TBXAS1: variants seen among roughly 807,000 people sequenced by gnomAD.
The protein encoded by TBXAS1 is thromboxane A synthase 1.
A neutral mutation model predicts 60.7 loss-of-function variants in TBXAS1; 48 were observed. The observed-to-expected ratio is 0.79, with a 90% CI of 0.63 to 1.01. TBXAS1 has a LOEUF of 1.01. Among genes scored for constraint, TBXAS1 ranks in the 50% least tolerant of loss-of-function variants. The pLI, the probability that TBXAS1 is intolerant of heterozygous loss-of-function variation, is 0.00. For missense variants in TBXAS1, 685 were observed against 686.3 expected (o/e 1.00, Z 0.02); for synonymous variants, 287 against 269.7 (o/e 1.06, Z -0.63).
intron 10 of TBXAS1, among the ~76,000 whole-genome samples, chr7:140,008,943 C>T (rs1461171379): frequency 2.6e-5 from 4 of 152,202 alleles, no homozygotes; most frequent in Non-Finnish European, 4.4e-5. Context: ...GACCAGGGCT[C>T]CTGGCCAAGA....
Position 139,816,076 on chromosome 7 carries a change from A to G in TBXAS1, c.-79-13236A>G, listed in dbSNP as rs569270202. Among the ~76,000 whole-genome samples, 16 of 152,258 alleles carry G rather than the reference A, an allele frequency of 1.1e-4. No homozygotes were observed. The South Asian group carries it at 2.7e-3, about 26-fold the overall frequency. On this transcript the variant is annotated intron_variant, in intron 4 of 16. Coordinates refer to the TBXAS1 transcript ENST00000336425. ...CTGTCATGATAGTGAGTGAGTTCTC[A>G]TGAGATCTGATGGTTTTATAAGGGG...
At chr7:139,800,760 A>C (rs1292093256) in intron 4 of TBXAS1, among the ~76,000 whole-genome samples, 1 of 152,098 alleles carries the variant, frequency 6.6e-6, no homozygotes, top group Non-Finnish European at 1.5e-5. Flanking sequence ...TCTCCCTTCT[A>C]TCTGAGAGTG....
At chr7:139,905,982 C>T (rs1302885794) in intron 3 of TBXAS1, 3 of 173,460 alleles carry the variant, frequency 1.7e-5, no homozygotes, top group Non-Finnish European at 2.6e-5. Flanking sequence ...TCACATTCTA[C>T]ATTTAATTCT....
At chr7:139,845,535 A>T (rs563840031) in intron 1 of TBXAS1, among the ~76,000 whole-genome samples, 1 of 151,956 alleles carries the variant, frequency 6.6e-6, no homozygotes, top group South Asian at 2.1e-4. Context: ...CTCATCACTT[A>T]CCTGGCTCCC....
intron 9 of TBXAS1, among the ~76,000 whole-genome samples, 195 bp from the exon 10 acceptor site, chr7:140,006,896 C>T (rs1426485146): frequency 4.6e-5 from 7 of 152,120 alleles, no homozygotes; most frequent in African/African-American, 9.7e-5. Context: ...AGGCTAGCAC[C>T]GTGAAATATA....
rs540390984 is a variant in TBXAS1 at position 139,925,035 on chromosome 7, G to A, written c.334-11156G>A. The stretch of plus-strand genomic sequence containing the variant: ...TCTATGTGTCTGGTTTTATGCTAGA[G>A]CCATGCTATTTTAGTTACTATAGCT... On this transcript the variant is annotated intron_variant, in intron 4 of 12. Coordinates refer to ENST00000448866, the MANE Select transcript of TBXAS1 (RefSeq NM_001061.7). Among the ~76,000 whole-genome samples the A allele has an allele frequency of 9.2e-5, 14 of 152,198 alleles. No homozygotes were observed. In the South Asian group the frequency reaches 2.7e-3, roughly 29 times the overall value.
intron 3 of TBXAS1, among the ~76,000 whole-genome samples, chr7:139,905,335 G>C (rs1314899298): frequency 6.6e-6 from 1 of 152,066 alleles, no homozygotes; most frequent in African/African-American, 2.4e-5. Context: ...GGGGATGCTA[G>C]ATTTTGTTGA....
At chr7:139,957,591 T>C in intron 7 of TBXAS1, 43 bp from the exon 8 acceptor site, 7 of 1,613,530 alleles carry the variant, frequency 4.3e-6, no homozygotes, top group Non-Finnish European at 5.9e-6. Flanking sequence ...CCTGGTTTAT[T>C]ATCACCCCCT....
intron 4 of TBXAS1, among the ~76,000 whole-genome samples, chr7:139,818,460 T>C (rs1798209987): frequency 6.6e-6 from 1 of 152,070 alleles, no homozygotes; most frequent in South Asian, 2.1e-4. Flanking sequence ...ATCCACCTGC[T>C]TTGGCCTCCC....
At chr7:139,841,819 G>C (rs536432319) in intron 1 of TBXAS1, among the ~76,000 whole-genome samples, 2 of 152,212 alleles carry the variant, frequency 1.3e-5, no homozygotes, top group East Asian at 3.9e-4. Context: ...TTTCCTGATA[G>C]GCTAAACCCT....
At chr7:139,912,729 A>G (rs1805631930) in intron 4 of TBXAS1, among the ~76,000 whole-genome samples, 1 of 152,158 alleles carries the variant, frequency 6.6e-6, no homozygotes. Context: ...CTTGGGGCTG[A>G]GTCTTAAAGA....
chr7:139,898,413 C>CCTTT (rs1804278520), intron 3 of TBXAS1, among the ~76,000 whole-genome samples: 1 of 82,222 alleles, frequency 1.2e-5, no homozygotes, highest in African/African-American at 4.9e-5. Flanking sequence ...ACGTGCATGG[C>CCTTT]TTTTTTTTTT....
Position 139,778,994 on chromosome 7 carries a change from A to G in TBXAS1, c.-318+523A>G, listed in dbSNP as rs114376116. On this transcript the variant is annotated intron_variant, in intron 1 of 16. Transcript: ENST00000336425. The surrounding 1 kb of genome is among the most constrained non-coding windows in gnomAD (Gnocchi z 4.8). ...AGGCAACCAGCTTTCAAAAAGAACG[A>G]AATGGAATCCAATAGAAAATATTAG... Among the ~76,000 whole-genome samples, 1,106 of 152,328 alleles carry G rather than the reference A, an allele frequency of 7.3e-3. 14 individuals carry two copies. The highest frequency in any genetic ancestry group is 0.025 in the African/African-American group (1,037 of 41,566).
At chr7:139,870,612 G>T (rs772982200) in intron 1 of TBXAS1, among the ~76,000 whole-genome samples, 1 of 152,162 alleles carries the variant, frequency 6.6e-6, no homozygotes, top group South Asian at 2.1e-4. Flanking sequence ...AATCCTTGGC[G>T]TTCACGTGTG....
Position 139,805,707 on chromosome 7 carries a change from TTTC to T in TBXAS1, c.-80+18284_-80+18286del, listed in dbSNP as rs1232332847. On this transcript the variant is annotated intron_variant, in intron 4 of 16. Transcript: ENST00000336425. ...CTTTCTTTCTTTCTTTCTTTCTTTC[TTTC>T]TTTCTCTCTCTCTCTCTCTCTTTCT... Among the ~76,000 whole-genome samples, 7 of 25,248 alleles carry T rather than the reference TTTC, an allele frequency of 2.8e-4. No homozygotes were observed. The Admixed American group carries it at 3.3e-3, about 12-fold the overall frequency. 16.6% of individuals were successfully genotyped at this position (25,248 alleles called of 152,430 possible). A position where few individuals can be genotyped will look rare whatever the true frequency, so the allele number is the denominator to read the frequency against.
At chr7:139,825,027 G>T (rs1471424765), upstream of TBXAS1, among the ~76,000 whole-genome samples, 1 of 151,662 alleles carries the variant, frequency 6.6e-6, no homozygotes, top group Non-Finnish European at 1.5e-5. Flanking sequence ...ACAGGGTTTT[G>T]CCATGTTGGT....
chr7:139,921,306 C>A (rs1206614072), intron 4 of TBXAS1, among the ~76,000 whole-genome samples: 2 of 152,196 alleles, frequency 1.3e-5, no homozygotes, highest in African/African-American at 4.8e-5. Context: ...TCTTTTCCTG[C>A]TGTTGAACTT....
intron 1 of TBXAS1, among the ~76,000 whole-genome samples, chr7:139,840,767 G>A (rs1198745458): frequency 1.3e-5 from 2 of 152,196 alleles, no homozygotes; most frequent in South Asian, 2.1e-4. Flanking sequence ...GGGCCCATGC[G>A]TAGGGGTGGT....
chr7:139,839,913 G>A (rs1363584192), intron 1 of TBXAS1, among the ~76,000 whole-genome samples: 2 of 148,836 alleles, frequency 1.3e-5, no homozygotes, highest in Non-Finnish European at 3.0e-5. Flanking sequence ...GAACCCGGGA[G>A]GCAGAGGTTG....
Sources: gnomAD v4.1 joint callset for allele counts (sites outside exome capture counted in the v4.1 genomes callset) on GRCh38, gnomAD v4.1.1 for gene constraint, Gnocchi (gnomAD v3.1) non-coding constraint, MANE v1.5 for transcripts, NCBI Gene and HGNC (gene_info 2026-07-23, HGNC 2026-07-21) for gene names.